Variants in MECOM observed in about 807,000 individuals in gnomAD.
MECOM encodes histone-lysine N-methyltransferase MECOM.
A neutral mutation model predicts 116.3 loss-of-function variants in MECOM; 13 were observed. That is an observed-to-expected ratio of 0.11 (90% CI 0.07 to 0.18). The LOEUF (loss-of-function observed/expected upper bound fraction) is 0.18, where lower values mean the gene tolerates loss of function less well. Ranked by LOEUF, MECOM falls within the 10% of genes least tolerant of loss-of-function variation. The pLI, the probability that MECOM is intolerant of heterozygous loss-of-function variation, is 1.00. For synonymous variants in MECOM, 528 were observed against 535.2 expected (o/e 0.99, Z 0.19); for missense variants, 1,299 against 1,509.0 (o/e 0.86, Z 2.31).
intron 2 of MECOM, among the ~76,000 whole-genome samples, chr3:169,328,219 A>G (rs1267378882): frequency 1.3e-5 from 2 of 152,176 alleles, no homozygotes; most frequent in Admixed American, 1.3e-4. Context: ...GTATGTTCCC[A>G]GCCCCTCCTT....
chr3:169,279,301 C>A (rs1294906691), intron 2 of MECOM, among the ~76,000 whole-genome samples: 1 of 152,160 alleles, frequency 6.6e-6, no homozygotes, highest in Admixed American at 6.5e-5. Flanking sequence ...AATCCAATGT[C>A]TTGTTCACTG....
intron 1 of MECOM, among the ~76,000 whole-genome samples, chr3:169,599,977 CTT>C (rs970657764): frequency 1.0e-4 from 15 of 149,948 alleles, no homozygotes; most frequent in Non-Finnish European, 1.6e-4. Flanking sequence ...TCTTGACTTA[CTT>C]TTTTTTTTCT....
chr3:169,473,461 G>A (rs938132248), intron 1 of MECOM, among the ~76,000 whole-genome samples: 2 of 152,198 alleles, frequency 1.3e-5, no homozygotes, highest in African/African-American at 4.8e-5. Context: ...GTTAGGCGAA[G>A]GAAGAAATAT....
intron 3 of MECOM, 78 bp downstream of exon 3, chr3:169,143,620 T>A (rs759647116): frequency 1.1e-5 from 16 of 1,403,442 alleles, no homozygotes; most frequent in Non-Finnish European, 1.5e-5. Context: ...TACTGCAGCT[T>A]ACTGTTATTT....
At chr3:169,277,185 G>A (rs950921574) in intron 2 of MECOM, among the ~76,000 whole-genome samples, 15 of 152,226 alleles carry the variant, frequency 9.9e-5, no homozygotes, top group African/African-American at 3.4e-4. Context: ...GCCTCAATGT[G>A]TTTCTCTGGT....
At chr3:169,509,002 T>C (rs1436351387) in intron 1 of MECOM, among the ~76,000 whole-genome samples, 1 of 152,214 alleles carries the variant, frequency 6.6e-6, no homozygotes, top group African/African-American at 2.4e-5. Context: ...TATGCAAATA[T>C]AGGCCTTTAA....
At chr3:169,324,550 A>G (rs1721514568) in intron 2 of MECOM, among the ~76,000 whole-genome samples, 1 of 152,242 alleles carries the variant, frequency 6.6e-6, no homozygotes, top group East Asian at 1.9e-4. Flanking sequence ...TTTAATTATT[A>G]TTTGACAAAG....
intron 1 of MECOM, among the ~76,000 whole-genome samples, chr3:169,476,522 C>T (rs1003974681): frequency 1.3e-5 from 2 of 152,272 alleles, no homozygotes; most frequent in South Asian, 2.1e-4. Context: ...GCGGCAGGGG[C>T]ACATCAATCA....
chr3:169,658,455 G>A (rs868686035), intron 1 of MECOM, among the ~76,000 whole-genome samples: 2 of 152,206 alleles, frequency 1.3e-5, no homozygotes, highest in Non-Finnish European at 2.9e-5. Context: ...GACGTGTGTG[G>A]GTGTGCACAC....
chr3:169,429,197 T>G (rs115973438), intron 1 of MECOM, among the ~76,000 whole-genome samples: 1 of 152,354 alleles, frequency 6.6e-6, no homozygotes, highest in African/African-American at 2.4e-5. Flanking sequence ...ATGCTGTATA[T>G]AAGCTTTTCC....
chr3:169,449,981 G>A (rs1373841412), intron 1 of MECOM, among the ~76,000 whole-genome samples: 1 of 152,122 alleles, frequency 6.6e-6, no homozygotes, highest in Non-Finnish European at 1.5e-5. Context: ...GGGGAGAAAA[G>A]TTATGTCCCA....
chr3:169,219,052 C>A (rs1197446511), intron 2 of MECOM, among the ~76,000 whole-genome samples: 1 of 152,046 alleles, frequency 6.6e-6, no homozygotes, highest in Non-Finnish European at 1.5e-5. Flanking sequence ...TTTGCAACAA[C>A]TATAAAATTC....
chr3:169,478,321 G>C (rs927202378), intron 1 of MECOM, among the ~76,000 whole-genome samples: 2 of 152,152 alleles, frequency 1.3e-5, no homozygotes, highest in Non-Finnish European at 2.9e-5. Flanking sequence ...TCAATATGCG[G>C]TATGGTTTTT....
chr3:169,250,316 C>A (rs111893472), intron 2 of MECOM, among the ~76,000 whole-genome samples: 11 of 152,156 alleles, frequency 7.2e-5, no homozygotes, highest in Admixed American at 6.5e-5. Context: ...GAACATGTAG[C>A]CCAAGGCACT....
chr3:169,311,168 T>C (rs1718696051), intron 2 of MECOM, among the ~76,000 whole-genome samples: 1 of 152,222 alleles, frequency 6.6e-6, no homozygotes, highest in Non-Finnish European at 1.5e-5. Context: ...GAGCACCGGA[T>C]AATAACTATA....
At chr3:169,264,250 G>C (rs1329966907) in intron 2 of MECOM, among the ~76,000 whole-genome samples, 1 of 152,346 alleles carries the variant, frequency 6.6e-6, no homozygotes, top group East Asian at 1.9e-4. Context: ...GTTTATTGTT[G>C]ATGTTGTTGT....
At chr3:169,363,892 ATT>A (rs1219556662) in intron 2 of MECOM, among the ~76,000 whole-genome samples, 2 of 151,922 alleles carry the variant, frequency 1.3e-5, no homozygotes, top group Non-Finnish European at 2.9e-5. Context: ...CTATCTACAT[ATT>A]TTGTTTCTCC....
chr3:169,322,922 C>CG (rs34977463), intron 2 of MECOM, among the ~76,000 whole-genome samples: 7 of 144,942 alleles, frequency 4.8e-5, no homozygotes, highest in East Asian at 2.0e-4. Context: ...CACTTGAACC[C>CG]GGGGGGGGCA....
At chr3:169,302,173 T>G (rs1401930875) in intron 2 of MECOM, among the ~76,000 whole-genome samples, 1 of 152,240 alleles carries the variant, frequency 6.6e-6, no homozygotes, top group African/African-American at 2.4e-5. Flanking sequence ...AATCTGTATC[T>G]GTGGCTTCAA....
Sources: allele counts gnomAD v4.1 joint callset (sites outside exome capture counted in the v4.1 genomes callset), GRCh38; gene constraint gnomAD v4.1.1; transcripts MANE v1.5; gene names NCBI Gene and HGNC (gene_info 2026-07-23, HGNC 2026-07-21).